Variants in SRPK1 observed in about 807,000 individuals in gnomAD.
The protein encoded by SRPK1 is SRSF protein kinase 1, also known as SFRS protein kinase 1.
Under a neutral mutation model 89.5 loss-of-function variants are expected in SRPK1, and 52 were observed. The observed-to-expected ratio is 0.58, with a 90% CI of 0.46 to 0.73. The LOEUF (loss-of-function observed/expected upper bound fraction) is 0.73, where lower values mean the gene tolerates loss of function less well. SRPK1 is among the 30% of genes least tolerant of loss of function. The pLI is 0.00. For synonymous variants in SRPK1, 255 were observed against 270.2 expected, an observed-to-expected ratio of 0.94 and a Z score of 0.55; for missense variants, 603 against 780.6, an observed-to-expected ratio of 0.77 and a Z score of 2.71.
At chr6:35,852,439 T>C (rs1355298586) in intron 13 of SRPK1, among the ~76,000 whole-genome samples, 1 of 152,194 alleles carries the variant, frequency 6.6e-6, no homozygotes, top group Admixed American at 6.5e-5. Context: ...CAAAAACAAG[T>C]AAACAAAAGC....
intron 2 of SRPK1, among the ~76,000 whole-genome samples, chr6:35,897,862 T>C (rs1770656402): frequency 1.3e-5 from 2 of 152,304 alleles, no homozygotes; most frequent in Middle Eastern, 3.4e-3. Context: ...TGGAACAAAT[T>C]AGACACCTAA....
intron 6 of SRPK1, among the ~76,000 whole-genome samples, chr6:35,879,057 C>T (rs112305479): frequency 0.016 from 2,423 of 152,154 alleles, 25 homozygotes; most frequent in Middle Eastern, 0.037. Flanking sequence ...TGCCACTGCA[C>T]TCTAGCCTGT....
intron 13 of SRPK1, among the ~76,000 whole-genome samples, chr6:35,851,914 A>G (rs1469815978): frequency 6.6e-6 from 1 of 152,198 alleles, no homozygotes; most frequent in Admixed American, 6.5e-5. Flanking sequence ...ACTGCTATAG[A>G]CTTAAAGCTT....
chr6:35,880,789 G>GAA (rs35013856), intron 6 of SRPK1, among the ~76,000 whole-genome samples: 29,861 of 106,258 alleles, frequency 0.28, 4,461 homozygotes, highest in South Asian at 0.42. Flanking sequence ...CAGAATATTT[G>GAA]AAAAAAAAAA....
chr6:35,867,109 C>T (rs959934188), intron 12 of SRPK1, among the ~76,000 whole-genome samples: 6 of 151,870 alleles, frequency 4.0e-5, no homozygotes, highest in Admixed American at 6.6e-5. Flanking sequence ...CACCACAATG[C>T]AATATATCAA....
intron 13 of SRPK1, among the ~76,000 whole-genome samples, chr6:35,849,559 T>G (rs1769510003): frequency 6.6e-6 from 1 of 152,224 alleles, no homozygotes; most frequent in African/African-American, 2.4e-5. Flanking sequence ...GCAGCACTAT[T>G]CACAATAGCC....
At chr6:35,880,742 A>AAAAAAAAAAAAAAGAAAG in intron 6 of SRPK1, among the ~76,000 whole-genome samples, 2 of 28,176 alleles carry the variant, frequency 7.1e-5, no homozygotes, top group African/African-American at 3.1e-4. Context: ...AAAGAAAAAA[A>AAAAAAAAAAAAAAGAAAG]AAAAAAAAGA....
intron 5 of SRPK1, 142 bp from the exon 6 acceptor site, chr6:35,886,953 G>A: frequency 1.7e-6 from 1 of 585,562 alleles, no homozygotes; most frequent in Admixed American, 3.1e-5. Flanking sequence ...AATTTCAATA[G>A]CTTTAATGGA....
intron 1 of SRPK1, 23 bp from the exon 2 acceptor site, chr6:35,920,551 A>G (rs1402875361): frequency 6.2e-7 from 1 of 1,610,654 alleles, no homozygotes; most frequent in East Asian, 2.2e-5. Context: ...GGGATGGATG[A>G]AGGGCGAATG....
intron 2 of SRPK1, among the ~76,000 whole-genome samples, chr6:35,913,818 AAG>A (rs946647260): frequency 2.6e-5 from 4 of 151,624 alleles, no homozygotes; most frequent in African/African-American, 7.2e-5. Context: ...AAAAAAATAA[AAG>A]AGAGAGAAAA....
chr6:35,872,449 A>ATT, intron 8 of SRPK1, 114 bp downstream of exon 8: 1 of 998,430 alleles, frequency 1.0e-6, no homozygotes, highest in East Asian at 3.0e-5. Flanking sequence ...AATGTTTCTT[A>ATT]AATATGTTAT....
intron 12 of SRPK1, among the ~76,000 whole-genome samples, chr6:35,864,942 A>T (rs947912723): frequency 6.6e-6 from 1 of 152,214 alleles, no homozygotes; most frequent in African/African-American, 2.4e-5. Flanking sequence ...ACAGAAAGAC[A>T]AATTTCACAT....
intron 2 of SRPK1, among the ~76,000 whole-genome samples, chr6:35,912,094 G>A (rs906651703): frequency 2.6e-5 from 4 of 152,066 alleles, no homozygotes; most frequent in Non-Finnish European, 2.9e-5. Flanking sequence ...AACTACTCAG[G>A]AGGCTAAGGC....
intron 5 of SRPK1, among the ~76,000 whole-genome samples, chr6:35,887,482 A>G (rs570962328): frequency 6.6e-6 from 1 of 152,300 alleles, no homozygotes; most frequent in South Asian, 2.1e-4. Context: ...GGTAAAGGCG[A>G]CCTAAACCCA....
intron 6 of SRPK1, among the ~76,000 whole-genome samples, chr6:35,884,237 T>C (rs1290804867): frequency 2.0e-5 from 3 of 152,150 alleles, no homozygotes; most frequent in South Asian, 2.1e-4. Flanking sequence ...CAATAATGAC[T>C]GGCTAATGTC....
chr6:35,909,989 CTTTT>C (rs537840728), intron 2 of SRPK1, among the ~76,000 whole-genome samples: 7 of 146,910 alleles, frequency 4.8e-5, no homozygotes, highest in African/African-American at 1.7e-4. Flanking sequence ...TCATTTCTTT[CTTTT>C]TTTTTTTAAG....
In SRPK1 at chr6:35,890,876, T is replaced by C; in HGVS notation, c.193+19A>G. On this transcript the variant is annotated intron_variant, in intron 3 of 15. Coordinates refer to ENST00000373825, the MANE Select transcript of SRPK1 (RefSeq NM_003137.5). ...AATAGATGGCTCATGTCTCACTTCA[T>C]ACCTCTTTATGAACTTACCTTTACA... is the stretch of plus-strand genomic sequence containing the variant. 6.5e-7 allele frequency: 1 copy of C among 1,541,474 alleles called. No homozygotes were observed. The highest frequency in any genetic ancestry group is 8.7e-7 in the Non-Finnish European group (1 of 1,143,700).
rs374283375 is a variant in SRPK1 at position 35,844,704 on chromosome 6, T to C, written c.1621-2100A>G. 4.3e-4 allele frequency among the ~76,000 whole-genome samples: 65 copies of C among 152,292 alleles called. 1 individual carries two copies. In the Middle Eastern group the frequency reaches 0.01, roughly 24 times the overall value. On this transcript the variant is annotated intron_variant, in intron 13 of 15. Coordinates refer to ENST00000373825, the MANE Select transcript of SRPK1 (RefSeq NM_003137.5). ...TGAACCACAGTGATAGAGCAGATACTTGTTCTACCCTGAGTTGTTCCGAGG... is the reference window on the plus strand; with the variant it reads ...TGAACCACAGTGATAGAGCAGATACCTGTTCTACCCTGAGTTGTTCCGAGG...
intron 6 of SRPK1, among the ~76,000 whole-genome samples, chr6:35,884,304 C>G (rs1770359385): frequency 6.6e-6 from 1 of 152,140 alleles, no homozygotes; most frequent in Admixed American, 6.5e-5. Flanking sequence ...TCCCCTCACC[C>G]TCCAGGCAAG....
Sources: allele counts gnomAD v4.1 joint callset (sites outside exome capture counted in the v4.1 genomes callset), GRCh38; gene constraint gnomAD v4.1.1; transcripts MANE v1.5; gene names NCBI Gene and HGNC (gene_info 2026-07-23, HGNC 2026-07-21).